PRKN: variants seen among roughly 807,000 people sequenced by gnomAD.
PRKN encodes E3 ubiquitin-protein ligase parkin.
A neutral mutation model predicts 59.5 loss-of-function variants in PRKN; 56 were observed. That is an observed-to-expected ratio of 0.94 (90% CI 0.76 to 1.18). The LOEUF (loss-of-function observed/expected upper bound fraction) is 1.18. PRKN is among the 50% of genes most tolerant of loss of function. The pLI is 0.00. For synonymous variants in PRKN, 250 were observed against 222.1 expected, an observed-to-expected ratio of 1.13 and a Z score of -1.12; for missense variants, 657 against 596.4, an observed-to-expected ratio of 1.10 and a Z score of -1.06.
intron 5 of PRKN, among the ~76,000 whole-genome samples, chr6:161,977,755 G>T (rs1365273615): frequency 6.6e-6 from 1 of 150,800 alleles, no homozygotes; most frequent in Non-Finnish European, 1.5e-5. Flanking sequence ...CACCATGTTA[G>T]CCAGGATGGT....
intron 6 of PRKN, among the ~76,000 whole-genome samples, chr6:161,826,240 T>C (rs1021336619): frequency 1.3e-5 from 2 of 152,032 alleles, no homozygotes; most frequent in Non-Finnish European, 2.9e-5. Flanking sequence ...GAGAAATGAA[T>C]GAAATTCATG....
At chr6:162,422,837 T>C (rs976287128) in intron 2 of PRKN, among the ~76,000 whole-genome samples, 2 of 151,358 alleles carry the variant, frequency 1.3e-5, no homozygotes, top group African/African-American at 2.4e-5. Context: ...TCCCAGCTAC[T>C]TGGGAGGCTG....
chr6:161,575,875 C>T lies in PRKN; in HGVS notation c.872-6459G>A, dbSNP rs1781112183. Reference sequence around the variant, plus strand: ...AGTACAACTTAGAAAAGGAAACCGACTAACGACAAAATGGCATCAAAAATA... The same window carrying T: ...AGTACAACTTAGAAAAGGAAACCGATTAACGACAAAATGGCATCAAAAATA... On this transcript the variant is annotated intron_variant, in intron 7 of 11. Coordinates refer to ENST00000366898, the MANE Select transcript of PRKN (RefSeq NM_004562.3). This position sits in a 1 kb window ranked among gnomAD's most constrained non-coding sequence, Gnocchi z 4.6. Among the ~76,000 whole-genome samples the T allele has an allele frequency of 6.6e-6, 1 of 152,182 alleles. No individual in the cohort carries two copies. The highest frequency in any genetic ancestry group is 2.1e-4 in the South Asian group (1 of 4,828).
Position 161,566,849 on chromosome 6 carries a change from T to C in PRKN, c.933+2506A>G, listed in dbSNP as rs527764197. ...TGTTAAAGCCAGGCACATGATCACA[T>C]TGGAGCCTCTGTTGTTGCTTCATCC... On this transcript the variant is annotated intron_variant, in intron 8 of 11. Transcript: ENST00000366898. The surrounding 1 kb of genome is among the most constrained non-coding windows in gnomAD (Gnocchi z 4.1). 6.6e-6 allele frequency among the ~76,000 whole-genome samples: 1 copy of C among 152,268 alleles called. No homozygotes were observed. The highest frequency in any genetic ancestry group is 1.9e-4 in the East Asian group (1 of 5,174).
At chr6:162,015,240 T>C (rs1374666792) in intron 5 of PRKN, among the ~76,000 whole-genome samples, 2 of 152,166 alleles carry the variant, frequency 1.3e-5, no homozygotes, top group African/African-American at 4.8e-5. Flanking sequence ...GAAAAGGAAC[T>C]CACACAAGTA....
chr6:161,867,348 T>C (rs377119908), intron 6 of PRKN, among the ~76,000 whole-genome samples: 16 of 152,316 alleles, frequency 1.1e-4, no homozygotes, highest in African/African-American at 2.6e-4. Context: ...GCACTGGAAA[T>C]TGAATTTCAT....
chr6:162,436,367 T>C (rs945444607), intron 2 of PRKN, among the ~76,000 whole-genome samples: 8 of 151,560 alleles, frequency 5.3e-5, no homozygotes, highest in African/African-American at 1.9e-4. Context: ...CAGAGTCTCT[T>C]TGTGGCCCAG....
chr6:161,556,945 A>C (rs1276773455), intron 8 of PRKN, among the ~76,000 whole-genome samples: 2 of 152,244 alleles, frequency 1.3e-5, no homozygotes, highest in African/African-American at 2.4e-5. Context: ...AGCTATTAAA[A>C]ATAGTTTGCA....
At chr6:162,602,091 A>C (rs551326675) in intron 1 of PRKN, among the ~76,000 whole-genome samples, 2 of 152,340 alleles carry the variant, frequency 1.3e-5, no homozygotes, top group Admixed American at 1.3e-4. Context: ...CATGTCATAA[A>C]TGCTAGGACG....
chr6:162,338,243 T>C (rs1364164273), intron 2 of PRKN, among the ~76,000 whole-genome samples: 2 of 151,110 alleles, frequency 1.3e-5, no homozygotes, highest in African/African-American at 4.9e-5. Context: ...TGAAAAAGAG[T>C]GTTCTCTCCC....
chr6:162,701,296 A>G (rs905408824), intron 1 of PRKN, among the ~76,000 whole-genome samples: 2 of 152,190 alleles, frequency 1.3e-5, no homozygotes, highest in Non-Finnish European at 2.9e-5. Flanking sequence ...GTAACGAGGG[A>G]CTTCTGTAAA....
Position 161,400,278 on chromosome 6 carries a change from G to C in PRKN, c.1084-13401C>G, listed in dbSNP as rs1786967713. On this transcript the variant is annotated intron_variant, in intron 9 of 11. Coordinates refer to ENST00000366898, the MANE Select transcript of PRKN (RefSeq NM_004562.3). The surrounding 1 kb of genome is among the most constrained non-coding windows in gnomAD (Gnocchi z 4.2). ...AGAAAGTAGGATGAGGTGAGCTGGG[G>C]ACATGGGGAAGATTAGAAAATTAAA... Among the ~76,000 whole-genome samples the C allele has an allele frequency of 6.6e-6, 1 of 152,062 alleles. No individual in the cohort carries two copies. The highest frequency in any genetic ancestry group is 6.6e-5 in the Admixed American group (1 of 15,262).
intron 3 of PRKN, among the ~76,000 whole-genome samples, chr6:162,237,054 G>A (rs891727350): frequency 6.6e-6 from 1 of 152,074 alleles, no homozygotes; most frequent in Non-Finnish European, 1.5e-5. Flanking sequence ...CCATCCCTAA[G>A]CCCCTGCAAT....
chr6:161,705,028 C>T (rs1583030217), intron 7 of PRKN, among the ~76,000 whole-genome samples: 1 of 152,150 alleles, frequency 6.6e-6, no homozygotes, highest in Non-Finnish European at 1.5e-5. Flanking sequence ...CTGGGTGATG[C>T]CAGCATGCAA....
chr6:162,496,071 C>T (rs369246786), intron 1 of PRKN, among the ~76,000 whole-genome samples: 3 of 152,192 alleles, frequency 2.0e-5, no homozygotes, highest in African/African-American at 7.2e-5. Context: ...AACCCTGTCT[C>T]TATTAAAAAT....
intron 6 of PRKN, among the ~76,000 whole-genome samples, chr6:161,806,996 G>A (rs1460680809): frequency 9.2e-5 from 14 of 152,136 alleles, no homozygotes; most frequent in African/African-American, 2.7e-4. Context: ...GGTAGTTACC[G>A]ATTTCCAAAA....
chr6:161,786,838 T>G (rs911532204), intron 6 of PRKN, among the ~76,000 whole-genome samples: 1 of 152,120 alleles, frequency 6.6e-6, no homozygotes, highest in Admixed American at 6.5e-5. Context: ...TTTCTCAGAG[T>G]ATGGTTATGG....
chr6:162,556,401 G>GTGTGTGTGTGTGTGTGTGTC lies in PRKN; in HGVS notation c.8-112929_8-112928insGACACACACACACACACACA, dbSNP rs776385523. 1.1e-3 allele frequency among the ~76,000 whole-genome samples: 148 copies of GTGTGTGTGTGTGTGTGTGTC among 131,232 alleles called. 2 individuals carry two copies. Among genetic ancestry groups the GTGTGTGTGTGTGTGTGTGTC allele is most frequent in the Admixed American group, 2.0e-3 (25 of 12,598 alleles). 86.1% of individuals were successfully genotyped at this position (131,232 alleles called of 152,430 possible). A position where few individuals can be genotyped will look rare whatever the true frequency, so the allele number is the denominator to read the frequency against. ...TGTGTGTGTGTGTGTGTGTGTGTGT[G>GTGTGTGTGTGTGTGTGTGTC]TGTCAGTTTGGCAGACGCCTTCTTT... On this transcript the variant is annotated intron_variant, in intron 1 of 11. Coordinates refer to ENST00000366898, the MANE Select transcript of PRKN (RefSeq NM_004562.3).
intron 7 of PRKN, among the ~76,000 whole-genome samples, chr6:161,740,113 A>C (rs1788127053): frequency 6.6e-6 from 1 of 152,216 alleles, no homozygotes; most frequent in Non-Finnish European, 1.5e-5. Context: ...ATGTTATCAA[A>C]CGAGTTGATA....
Sources: allele counts gnomAD v4.1 joint callset (sites outside exome capture counted in the v4.1 genomes callset), GRCh38; gene constraint gnomAD v4.1.1; non-coding constraint Gnocchi (gnomAD v3.1); transcripts MANE v1.5; gene names NCBI Gene and HGNC (gene_info 2026-07-23, HGNC 2026-07-21).